The following RARB variants were observed in gnomAD, a reference collection of about 807,000 sequenced individuals.
RARB encodes the protein HBV-activated protein.
RARB carries 17 observed loss-of-function variants against 51.9 expected under a neutral mutation model. The observed-to-expected ratio is 0.33, with a 90% confidence interval of 0.22 to 0.49. RARB has a LOEUF of 0.49. Ranked by LOEUF, RARB falls within the 20% of genes least tolerant of loss-of-function variation. The pLI, the probability that RARB is intolerant of heterozygous loss-of-function variation, is 0.99. For missense variants in RARB, 369 were observed against 550.8 expected (o/e 0.67, Z 3.30); for synonymous variants, 215 against 195.4 (o/e 1.10, Z -0.84).
At chr3:25,434,834 C>T (rs957108567) in intron 1 of RARB, among the ~76,000 whole-genome samples, 7 of 152,082 alleles carry the variant, frequency 4.6e-5, no homozygotes, top group Non-Finnish European at 8.8e-5. Context: ...GCCACCGAGC[C>T]CGGCCTTGTA....
Position 25,289,686 on chromosome 3 carries a change from T to G in RARB, c.178+115111T>G, listed in dbSNP as rs148117194. On this transcript the variant is annotated intron_variant, in intron 5 of 11. Coordinates refer to the RARB transcript ENST00000383772. ...TAGCCTTTACAACTCAAAAGATAAT[T>G]GCTGTATTAACAAATGTTTATAGCA... Among the ~76,000 whole-genome samples, 18 of 152,358 alleles carry G rather than the reference T, an allele frequency of 1.2e-4. No homozygotes were observed. The East Asian group carries it at 3.3e-3, about 28-fold the overall frequency.
chr3:25,067,712 C>T (rs975723048), intron 3 of RARB, among the ~76,000 whole-genome samples: 1 of 152,194 alleles, frequency 6.6e-6, no homozygotes, highest in African/African-American at 2.4e-5. Context: ...TATGCTTGCA[C>T]CACTATTGCC....
chr3:25,041,623 GT>G (rs1553626201), intron 2 of RARB, among the ~76,000 whole-genome samples: 2 of 150,482 alleles, frequency 1.3e-5, no homozygotes, highest in African/African-American at 4.9e-5. Flanking sequence ...AGCTAAGAAT[GT>G]TTTTTTTTAA....
intron 5 of RARB, among the ~76,000 whole-genome samples, chr3:25,189,997 T>G (rs1701060419): frequency 6.6e-6 from 1 of 152,068 alleles, no homozygotes; most frequent in East Asian, 1.9e-4. Context: ...GAGTTAGAAC[T>G]GAATGAAGTA....
chr3:25,176,348 TC>T (rs1700749110), intron 5 of RARB, among the ~76,000 whole-genome samples: 1 of 93,982 alleles, frequency 1.1e-5, no homozygotes, highest in African/African-American at 3.5e-5. Flanking sequence ...CTTCCTTCCT[TC>T]CTTCCTTCCT....
chr3:25,180,525 T>C (rs1700840261), intron 5 of RARB, among the ~76,000 whole-genome samples: 2 of 152,216 alleles, frequency 1.3e-5, no homozygotes, highest in Admixed American at 6.5e-5. Flanking sequence ...TCAGATGGCC[T>C]TGAGCGATGG....
intron 2 of RARB, among the ~76,000 whole-genome samples, chr3:25,493,623 C>T (rs1249762584): frequency 1.3e-5 from 2 of 152,160 alleles, no homozygotes; most frequent in Non-Finnish European, 2.9e-5. Context: ...CTAAGTAATG[C>T]TTTTCCTTCT....
chr3:24,912,501 G>A (rs997386914), intron 2 of RARB, among the ~76,000 whole-genome samples: 3 of 152,168 alleles, frequency 2.0e-5, no homozygotes, highest in Non-Finnish European at 2.9e-5. Flanking sequence ...GGTTTAGTAC[G>A]GGTGGCCCTG....
At chr3:25,039,294 C>T (rs542838712) in intron 2 of RARB, among the ~76,000 whole-genome samples, 22 of 152,268 alleles carry the variant, frequency 1.4e-4, no homozygotes, top group South Asian at 4.1e-4. Context: ...GTTGTTAAGA[C>T]CAAACCTCAG....
At chr3:24,861,431 G>C (rs1702745133) in intron 2 of RARB, among the ~76,000 whole-genome samples, 1 of 151,930 alleles carries the variant, frequency 6.6e-6, no homozygotes, top group Non-Finnish European at 1.5e-5. Context: ...AAATGTCTTA[G>C]TGTAAGAACA....
At chr3:25,201,664 C>A (rs1416290668) in intron 5 of RARB, among the ~76,000 whole-genome samples, 1 of 152,044 alleles carries the variant, frequency 6.6e-6, no homozygotes, top group Non-Finnish European at 1.5e-5. Flanking sequence ...TTGTCAAAGG[C>A]CTTTTCTGCA....
At chr3:24,934,734 T>G (rs914731542) in intron 2 of RARB, among the ~76,000 whole-genome samples, 70 of 152,164 alleles carry the variant, frequency 4.6e-4, no homozygotes, top group Non-Finnish European at 1.3e-4. Context: ...ATTCCTATAT[T>G]ATTATGACCA....
chr3:25,590,125 C>T (rs566017884), intron 5 of RARB, among the ~76,000 whole-genome samples: 14 of 152,220 alleles, frequency 9.2e-5, no homozygotes, highest in Non-Finnish European at 1.9e-4. Context: ...CGTTCCCTCT[C>T]TGGATGTACC....
intron 5 of RARB, among the ~76,000 whole-genome samples, chr3:25,265,442 A>C (rs578083471): frequency 7.9e-5 from 12 of 152,182 alleles, no homozygotes; most frequent in Non-Finnish European, 1.5e-4. Flanking sequence ...ACAAAAAAAC[A>C]ACCACAAATT....
In RARB at chr3:25,569,802, C is replaced by G. The variant is rs1559472347; in HGVS notation, c.493C>G (p.Gln165Glu). 1.1e-5 allele frequency: 17 copies of G among 1,614,154 alleles called. No homozygotes were observed. The highest frequency in any genetic ancestry group is 1.4e-5 in the Non-Finnish European group (17 of 1,180,008). Residue 165 changes from glutamine to glutamate, a missense_variant, in exon 4 of 8, where the codon CAA becomes GAA. Gln to Glu is a conservative substitution (Grantham distance 29). This residue lies in a region of RARB where 46 missense variants were observed against 43.2 expected (regional missense o/e 1.07). Transcript: ENST00000330688. The part of the protein sequence containing the change: ...RNKKKKETSK[Q>E]ECTESYEMTA... ...CAAGAAAAAGAAGGAGACTTCGAAG[C>G]AAGAATGCACAGAGAGCTATGAAAT... is the stretch of plus-strand genomic sequence containing the variant.
chr3:25,527,190 C>G (rs914406818), intron 3 of RARB, among the ~76,000 whole-genome samples: 1 of 152,180 alleles, frequency 6.6e-6, no homozygotes, highest in Non-Finnish European at 1.5e-5. Context: ...CGTGCTGATC[C>G]TTCTGGTCCT....
intron 2 of RARB, among the ~76,000 whole-genome samples, chr3:25,012,668 A>G (rs1338645482): frequency 6.6e-6 from 1 of 152,130 alleles, no homozygotes; most frequent in Non-Finnish European, 1.5e-5. Flanking sequence ...GTTTGAGGTG[A>G]TTTACATTTT....
chr3:25,129,880 G>GT (rs1425956077), intron 3 of RARB, among the ~76,000 whole-genome samples: 1 of 152,010 alleles, frequency 6.6e-6, no homozygotes, highest in Non-Finnish European at 1.5e-5. Flanking sequence ...GTTTAGGAGT[G>GT]TTTTTGGCTG....
intron 2 of RARB, among the ~76,000 whole-genome samples, chr3:25,032,349 T>A (rs1697893420): frequency 6.6e-6 from 1 of 152,222 alleles, no homozygotes. Flanking sequence ...AATGGCCCTA[T>A]GGGCTATGAA....
Sources: allele counts gnomAD v4.1 joint callset (sites outside exome capture counted in the v4.1 genomes callset), GRCh38; gene constraint gnomAD v4.1.1; regional missense constraint gnomAD v4.1.1; transcripts MANE v1.5; gene names NCBI Gene and HGNC (gene_info 2026-07-23, HGNC 2026-07-21).